The following DPYSL5 variants were observed in gnomAD, a reference collection of about 807,000 sequenced individuals.
The protein encoded by DPYSL5 is dihydropyrimidinase like 5.
A neutral mutation model predicts 58.4 loss-of-function variants in DPYSL5; 9 were observed. The observed-to-expected ratio is 0.15, with a 90% CI of 0.09 to 0.27. The LOEUF is 0.27. Ranked by LOEUF, DPYSL5 falls within the 10% of genes least tolerant of loss-of-function variation. The pLI is 1.00. For synonymous variants in DPYSL5, 293 were observed against 301.9 expected (o/e 0.97, Z 0.31); for missense variants, 499 against 770.6 (o/e 0.65, Z 4.17).
rs184681486 is a variant in DPYSL5 at position 26,948,714 on chromosome 2, A to G, written c.*1719A>G. On this transcript the variant is annotated 3_prime_UTR_variant, in exon 13 of 13. Transcript: ENST00000288699. Reference sequence around the variant, plus strand: ...TCTACTAAAAATACAAAAATTACCCAGGCGTGGTGGCGGGCGCCTGTAGTC... The same window carrying G: ...TCTACTAAAAATACAAAAATTACCCGGGCGTGGTGGCGGGCGCCTGTAGTC... 1,312 of 152,548 alleles carry G rather than the reference A, an allele frequency of 8.6e-3. 18 individuals are homozygous for G. The highest frequency in any genetic ancestry group is 0.029 in the African/African-American group (1,216 of 41,548). The allele number at this position is 152,548 out of a possible 1,614,324, so 9.4% of individuals were successfully genotyped here.
At chr2:26,921,581 G>A (rs1664705524) in intron 2 of DPYSL5, among the ~76,000 whole-genome samples, 1 of 152,206 alleles carries the variant, frequency 6.6e-6, no homozygotes, top group African/African-American at 2.4e-5. Context: ...AACAGAGCTT[G>A]TCAGCATTCA....
chr2:26,945,299 A>C (rs901853614), intron 12 of DPYSL5, among the ~76,000 whole-genome samples: 43 of 103,380 alleles, frequency 4.2e-4, no homozygotes, highest in South Asian at 7.8e-4. Flanking sequence ...CCTCACCTTC[A>C]CCTTCTTTTT....
chr2:26,884,484 G>C (rs1413037437), intron 1 of DPYSL5, among the ~76,000 whole-genome samples: 1 of 150,550 alleles, frequency 6.6e-6, no homozygotes, highest in African/African-American at 2.5e-5. Flanking sequence ...AGGTGCACGT[G>C]AACACACATC....
chr2:26,904,511 A>T (rs765456401), intron 2 of DPYSL5, among the ~76,000 whole-genome samples: 5 of 152,188 alleles, frequency 3.3e-5, no homozygotes, highest in Non-Finnish European at 7.3e-5. Flanking sequence ...ATTCATTGAT[A>T]TTCTCAAGTT....
intron 1 of DPYSL5, among the ~76,000 whole-genome samples, chr2:26,855,740 C>T (rs1014681919): frequency 2.6e-5 from 4 of 152,288 alleles, no homozygotes; most frequent in East Asian, 1.9e-4. Flanking sequence ...GAAATTCTCA[C>T]GCCTTGGGTC....
intron 1 of DPYSL5, among the ~76,000 whole-genome samples, chr2:26,861,753 T>A (rs1046941347): frequency 6.6e-6 from 1 of 152,192 alleles, no homozygotes; most frequent in Non-Finnish European, 1.5e-5. Context: ...CCGGCCATGA[T>A]CTCTAACTCC....
chr2:26,931,169 A>ATATGTGTGTGTG (rs1353719385), intron 5 of DPYSL5, among the ~76,000 whole-genome samples: 4 of 45,696 alleles, frequency 8.8e-5, no homozygotes, highest in East Asian at 5.9e-4. Flanking sequence ...ATATATATAT[A>ATATGTGTGTGTG]TGTGTGTGTG....
intron 2 of DPYSL5, among the ~76,000 whole-genome samples, chr2:26,917,647 C>T (rs1053049293): frequency 1.3e-5 from 2 of 152,114 alleles, no homozygotes; most frequent in South Asian, 4.1e-4. Flanking sequence ...AGCAACCCCC[C>T]ACCCATGTGA....
chr2:26,879,155 G>A (rs552339362), intron 1 of DPYSL5, among the ~76,000 whole-genome samples: 1 of 152,250 alleles, frequency 6.6e-6, no homozygotes, highest in Admixed American at 6.5e-5. Context: ...TGTGGAGGCC[G>A]GGGACCAACC....
intron 1 of DPYSL5, among the ~76,000 whole-genome samples, chr2:26,860,596 C>A (rs774688434): frequency 6.6e-6 from 1 of 152,194 alleles, no homozygotes. Context: ...GCTGTTATTG[C>A]AGCACTATTT....
At chr2:26,939,872 G>T in intron 8 of DPYSL5, 159 bp from the exon 9 acceptor site, 1 of 841,754 alleles carries the variant, frequency 1.2e-6, no homozygotes. Flanking sequence ...TCACATAGAT[G>T]CAGTAACTCA....
chr2:26,892,307 T>C (rs913580724), intron 1 of DPYSL5, among the ~76,000 whole-genome samples: 2 of 152,200 alleles, frequency 1.3e-5, no homozygotes, highest in Non-Finnish European at 2.9e-5. Context: ...TACTGAGAGC[T>C]CTTACTTCTA....
chr2:26,941,181 G>A (rs982055027), intron 9 of DPYSL5, among the ~76,000 whole-genome samples: 6 of 151,956 alleles, frequency 3.9e-5, no homozygotes, highest in Non-Finnish European at 5.9e-5. Flanking sequence ...CTCGTGATCC[G>A]CCCGTCTTGG....
In DPYSL5 at chr2:26,944,683, A is replaced by G; in HGVS notation, c.1468A>G (p.Thr490Ala). Reference protein sequence around the residue: ...KTLKVRGVDRTPYLGDVAVVV... With the variant: ...KTLKVRGVDRAPYLGDVAVVV... ...TTTAAAGGTTAGAGGAGTGGACCGC[A>G]CTCCCTACCTGGGGGATGTCGCTGT... Residue 490 changes from threonine to alanine, a missense_variant, in exon 12 of 13, where the codon ACT becomes GCT. Transcript: ENST00000288699. The surrounding 1 kb of genome is among the most constrained non-coding windows in gnomAD (Gnocchi z 4.4). 1 of 1,613,392 alleles carries G rather than the reference A, an allele frequency of 6.2e-7. No homozygotes were observed.
chr2:26,888,235 T>TTCTG (rs1558332590), intron 1 of DPYSL5, among the ~76,000 whole-genome samples: 11 of 144,968 alleles, frequency 7.6e-5, no homozygotes, highest in African/African-American at 2.9e-4. Flanking sequence ...CTTTCTTTCT[T>TTCTG]TCTTTCTTTC....
At chr2:26,943,652 G>A (rs188031499) in intron 11 of DPYSL5, among the ~76,000 whole-genome samples, 1 of 152,300 alleles carries the variant, frequency 6.6e-6, no homozygotes, top group East Asian at 1.9e-4. Flanking sequence ...ATGTGCCAGA[G>A]CAGTTGGAAC....
At chr2:26,939,920 G>A in intron 8 of DPYSL5, 111 bp from the exon 9 acceptor site, 3 of 1,428,306 alleles carry the variant, frequency 2.1e-6, no homozygotes, top group Non-Finnish European at 2.9e-6. Flanking sequence ...AGCTGAAATT[G>A]GAGTCGGCTT....
In DPYSL5 at chr2:26,934,572, T is replaced by C; in HGVS notation, c.791-6T>C. On this transcript the variant is annotated splice_region_variant and splice_polypyrimidine_tract_variant and intron_variant, in intron 7 of 12. Coordinates refer to ENST00000288699, the MANE Select transcript of DPYSL5 (RefSeq NM_020134.4). This position sits in a 1 kb window ranked among gnomAD's most constrained non-coding sequence, Gnocchi z 4.3. ...CTGGTTATGGTTCTGACCTTTCTTC[T>C]TCCAGGGAAGGTTGTGCTGGCGGAG... is the stretch of plus-strand genomic sequence containing the variant. The C allele has an allele frequency of 1.9e-6, 3 of 1,611,672 alleles. No homozygotes were observed. The highest frequency in any genetic ancestry group is 2.5e-6 in the Non-Finnish European group (3 of 1,179,506).
intron 8 of DPYSL5, 182 bp from the exon 9 acceptor site, chr2:26,939,849 A>C (rs1665271313): frequency 1.5e-6 from 1 of 680,188 alleles, no homozygotes; most frequent in Non-Finnish European, 2.5e-6. Context: ...TCTGTAGATG[A>C]GTAAACTGAG....
Sources: allele counts gnomAD v4.1 joint callset (sites outside exome capture counted in the v4.1 genomes callset), GRCh38; gene constraint gnomAD v4.1.1; non-coding constraint Gnocchi (gnomAD v3.1); transcripts MANE v1.5; gene names NCBI Gene and HGNC (gene_info 2026-07-23, HGNC 2026-07-21).